The following ABCD3 variants were observed in gnomAD, a reference collection of about 807,000 sequenced individuals.
ABCD3 encodes the protein ATP binding cassette subfamily D member 3.
ABCD3 carries 41 observed loss-of-function variants against 105.5 expected under a neutral mutation model. The ratio of observed to expected loss-of-function variants is 0.39; its 90% CI spans 0.30 to 0.50. The LOEUF (loss-of-function observed/expected upper bound fraction) is 0.50. ABCD3 is among the 20% of genes least tolerant of loss of function. The probability of loss-of-function intolerance (pLI) is 0.84; values close to 1 mark genes in which losing one functional copy is unlikely to be tolerated. For synonymous variants in ABCD3, 258 were observed against 269.0 expected, an observed-to-expected ratio of 0.96 and a Z score of 0.40; for missense variants, 622 against 806.3, an observed-to-expected ratio of 0.77 and a Z score of 2.77.
intron 7 of ABCD3, among the ~76,000 whole-genome samples, chr1:94,476,792 T>G (rs2100999034): frequency 6.6e-6 from 1 of 152,250 alleles, no homozygotes; most frequent in South Asian, 2.1e-4. Flanking sequence ...TGCTAACTGA[T>G]CCCAAACTCG....
At chr1:94,473,165 G>A (rs192399871) in intron 4 of ABCD3, among the ~76,000 whole-genome samples, 17 of 152,212 alleles carry the variant, frequency 1.1e-4, no homozygotes, top group Non-Finnish European at 2.2e-4. Context: ...AGGACCCACA[G>A]GTCAAATCTC....
intron 3 of ABCD3, among the ~76,000 whole-genome samples, chr1:94,465,326 A>T (rs939475113): frequency 1.3e-5 from 2 of 152,228 alleles, no homozygotes; most frequent in Non-Finnish European, 2.9e-5. Flanking sequence ...ATGTAAGATT[A>T]GAACAGTAAA....
intron 1 of ABCD3, among the ~76,000 whole-genome samples, chr1:94,457,440 C>A (rs1170138539): frequency 6.6e-6 from 1 of 152,102 alleles, no homozygotes; most frequent in Non-Finnish European, 1.5e-5. Context: ...CATCGGAGTT[C>A]AAACAGATGT....
At chr1:94,471,548 A>T (rs1648460295) in intron 4 of ABCD3, among the ~76,000 whole-genome samples, 1 of 152,042 alleles carries the variant, frequency 6.6e-6, no homozygotes, top group African/African-American at 2.4e-5. Context: ...TATATTCTTA[A>T]CCCACATTCA....
Position 94,499,582 on chromosome 1 carries a change from G to C in ABCD3, c.1708G>C (p.Val570Leu). The C allele has an allele frequency of 2.5e-6, 4 of 1,613,668 alleles. No individual in the cohort carries two copies. The highest frequency in any genetic ancestry group is 3.4e-6 in the Non-Finnish European group (4 of 1,179,734). Reference sequence around the variant, plus strand: ...GGACAGTGTTCAGGATTGGATGGACGTACTCAGTGGTGGAGAAAAGCAAAG... The same window carrying C: ...GGACAGTGTTCAGGATTGGATGGACCTACTCAGTGGTGGAGAAAAGCAAAG... ...GWDSVQDWMD[V>L]LSGGEKQRMA... The change falls in exon 20 of 23, where the codon GTA (valine) becomes CTA (leucine). Residue 570 changes from valine (V) to leucine (L), a missense_variant. Transcript: ENST00000370214.
the ABCD3 span, among the ~76,000 whole-genome samples, chr1:94,401,120 A>C: frequency 6.6e-6 from 1 of 152,242 alleles, no homozygotes; most frequent in Non-Finnish European, 1.5e-5. Flanking sequence ...GAATGTAAGA[A>C]ATAAATTATG....
intron 1 of ABCD3, among the ~76,000 whole-genome samples, chr1:94,429,276 T>A (rs1391422719): frequency 6.6e-6 from 1 of 152,128 alleles, no homozygotes; most frequent in African/African-American, 2.4e-5. Context: ...GCAGAGCATA[T>A]AAGTTCAGAA....
Position 94,487,964 on chromosome 1 carries a change from G to C in ABCD3, c.1138G>C (p.Glu380Gln). Residue 380 changes from glutamate (E) to glutamine (Q), a missense_variant, in exon 13 of 23, where the codon GAA (glutamate) becomes CAA (glutamine). By Grantham distance (29) the Glu-to-Gln change is conservative. Transcript: ENST00000370214. ...ALGRIVLAGR[E>Q]MTRLAGFTAR... Reference sequence around the variant, plus strand: ...GGGTCGAATAGTTTTGGCTGGGCGTGAAATGACTAGATTGGCCGGGTAAGA... The same window carrying C: ...GGGTCGAATAGTTTTGGCTGGGCGTCAAATGACTAGATTGGCCGGGTAAGA... The C allele has an allele frequency of 6.2e-7, 1 of 1,613,482 alleles. No individual in the cohort carries two copies. Among genetic ancestry groups the C allele is most frequent in the Non-Finnish European group, 8.5e-7 (1 of 1,179,588 alleles).
At chr1:94,468,192 C>G (rs555721467) in intron 4 of ABCD3, among the ~76,000 whole-genome samples, 185 bp downstream of exon 4, 20 of 152,274 alleles carry the variant, frequency 1.3e-4, no homozygotes, top group African/African-American at 4.8e-4. Context: ...ATGTGCTATA[C>G]TGTGATGGGG....
chr1:94,496,175 A>G (rs1209497709), intron 16 of ABCD3, among the ~76,000 whole-genome samples: 1 of 152,186 alleles, frequency 6.6e-6, no homozygotes, highest in African/African-American at 2.4e-5. Flanking sequence ...TGCAGCCACC[A>G]CCACTATCCA....
Position 94,455,835 on chromosome 1 carries a change from A to G in ABCD3, c.111-2772A>G, listed in dbSNP as rs112451458. 3.1e-6 allele frequency: 4 copies of G among 1,276,966 alleles called. No homozygotes were observed. In the African/African-American group the frequency reaches 6.1e-5, roughly 20 times the overall value. The allele number at this position is 1,276,966 out of a possible 1,614,324, so 79.1% of individuals were successfully genotyped here. A position where few individuals can be genotyped will look rare whatever the true frequency, so the allele number is the denominator to read the frequency against. ...TGTGTGTGTACATGTGTATATATAT[A>G]TTTTTGTGAGCATCGTACTGCATGA... On this transcript the variant is annotated intron_variant, in intron 1 of 22. Coordinates refer to ENST00000370214, the MANE Select transcript of ABCD3 (RefSeq NM_002858.4).
At chr1:94,432,086 C>T (rs1420119898) in intron 1 of ABCD3, among the ~76,000 whole-genome samples, 1 of 152,152 alleles carries the variant, frequency 6.6e-6, no homozygotes, top group African/African-American at 2.4e-5. Context: ...TCTCTTCCCC[C>T]ACTGGAGGAA....
At chr1:94,509,609 A>C (rs1466498679) in intron 21 of ABCD3, among the ~76,000 whole-genome samples, 1 of 152,108 alleles carries the variant, frequency 6.6e-6, no homozygotes, top group Non-Finnish European at 1.5e-5. Flanking sequence ...CTGTGACTCC[A>C]TCTGGTCCTG....
At chr1:94,438,654 C>T (rs1227550130) in intron 1 of ABCD3, among the ~76,000 whole-genome samples, 2 of 152,174 alleles carry the variant, frequency 1.3e-5, no homozygotes, top group Non-Finnish European at 2.9e-5. Context: ...ACAGCCACCC[C>T]AGCCTTCAGC....
At chr1:94,392,314 A>G in the ABCD3 span, among the ~76,000 whole-genome samples, 6 of 152,190 alleles carry the variant, frequency 3.9e-5, no homozygotes, top group African/African-American at 1.4e-4. Flanking sequence ...GTGACCTGAA[A>G]AGCTGCAGAT....
At chr1:94,449,756 A>G (rs1660502399) in intron 1 of ABCD3, among the ~76,000 whole-genome samples, 1 of 149,190 alleles carries the variant, frequency 6.7e-6, no homozygotes, top group South Asian at 2.1e-4. Context: ...TGCATCTCTC[A>G]GTCTGCGTGC....
rs768447489 is a variant in ABCD3, at chr1:94,425,308, ATGTTT to A, written c.110+6725_110+6729del. Among the ~76,000 whole-genome samples the A allele has an allele frequency of 3.2e-4, 48 of 152,166 alleles. 2 individuals are homozygous for A. The highest frequency in any genetic ancestry group is 2.5e-3 in the East Asian group (13 of 5,190). On this transcript the variant is annotated intron_variant, in intron 1 of 22. Transcript: ENST00000370214. ...GTGCATTTTTACAGTTATAACGTAC[ATGTTT>A]TGTTATTTTCATTTAAAGCATACCT...
intron 13 of ABCD3, among the ~76,000 whole-genome samples, 190 bp downstream of exon 13, chr1:94,488,173 G>A (rs996950531): frequency 1.1e-4 from 17 of 152,128 alleles, no homozygotes; most frequent in Middle Eastern, 3.2e-3. Context: ...GCTGGTTTGC[G>A]CAGTACAGTA....
Position 94,498,935 on chromosome 1 carries a change from C to T in ABCD3, c.1531-10C>T, listed in dbSNP as rs202138059. On this transcript the variant is annotated splice_polypyrimidine_tract_variant and intron_variant, in intron 18 of 22. Transcript: ENST00000370214. ...TTGCTTCTAATTGACTTTTGCTCTA[C>T]TACTGTCAGAGACCTTACATGACCC... The T allele has an allele frequency of 3.7e-6, 6 of 1,612,866 alleles. No homozygotes were observed. The African/African-American group carries it at 6.7e-5, about 18-fold the overall frequency.
Sources: gnomAD v4.1 joint callset for allele counts (sites outside exome capture counted in the v4.1 genomes callset) on GRCh38, gnomAD v4.1.1 for gene constraint, MANE v1.5 for transcripts, NCBI Gene and HGNC (gene_info 2026-07-23, HGNC 2026-07-21) for gene names.